The following LRRC9 variants were observed in gnomAD, a reference collection of about 807,000 sequenced individuals.
The protein encoded by LRRC9 is leucine-rich repeat-containing protein 9.
A neutral mutation model predicts 63.2 loss-of-function variants in LRRC9; 122 were observed. That is an observed-to-expected ratio of 1.93 (90% confidence interval 1.67 to 2.24). The LOEUF (loss-of-function observed/expected upper bound fraction) is 2.24. Ranked by LOEUF, LRRC9 falls within the 30% of genes most tolerant of loss-of-function variation. LRRC9 has a pLI of 0.00. For synonymous variants in LRRC9, 366 were observed against 213.1 expected (o/e 1.72, Z -6.25); for missense variants, 1,071 against 627.7 (o/e 1.71, Z -7.55).
Position 59,932,719 on chromosome 14 carries a change from C to T in LRRC9, c.543+680C>T, listed in dbSNP as rs991426785. Among the ~76,000 whole-genome samples the T allele has an allele frequency of 6.6e-6, 1 of 152,106 alleles. No individual in the cohort carries two copies. Among genetic ancestry groups the T allele is most frequent in the Non-Finnish European group, 1.5e-5 (1 of 67,988 alleles). On this transcript the variant is annotated intron_variant, in intron 6 of 31. Transcript: ENST00000445360. This position sits in a 1 kb window ranked among gnomAD's most constrained non-coding sequence, Gnocchi z 4.7. ...TCACTTCTTACCATCTGCATCACTACCAAGCTGATTCAAGACACTATCATC... is the reference window on the plus strand; with the variant it reads ...TCACTTCTTACCATCTGCATCACTATCAAGCTGATTCAAGACACTATCATC...
rs1332705720 is a variant in LRRC9 at position 59,938,381 on chromosome 14, G to T, written c.544-9G>T. The stretch of plus-strand genomic sequence containing the variant: ...AATTAACTGAACATTATCTTTGCTG[G>T]CATTTTAGGAACTCACGAACTTAAC... On this transcript the variant is annotated splice_polypyrimidine_tract_variant and intron_variant, in intron 6 of 31. Transcript: ENST00000445360. This position sits in a 1 kb window ranked among gnomAD's most constrained non-coding sequence, Gnocchi z 4.2. 3.0e-6 allele frequency: 2 copies of T among 671,868 alleles called. No homozygotes were observed. The highest frequency in any genetic ancestry group is 5.4e-6 in the Non-Finnish European group (2 of 371,290). The allele number at this position is 671,868 out of a possible 1,614,324, so 41.6% of individuals were successfully genotyped here.
At position 59,938,619 on chromosome 14, in the gene LRRC9, T is replaced by A; in HGVS notation, c.726+47T>A. On this transcript the variant is annotated intron_variant, in intron 7 of 31. Transcript: ENST00000445360. The surrounding 1 kb of genome is among the most constrained non-coding windows in gnomAD (Gnocchi z 4.2). ...CATCTGTGATTTCAGTTTTATTAGT[T>A]AACGGCTTCTTTCTGGCCATGTCCA... is the stretch of plus-strand genomic sequence containing the variant. 1.6e-6 allele frequency: 1 copy of A among 628,344 alleles called. No individual in the cohort carries two copies. The highest frequency in any genetic ancestry group is 2.5e-5 in the Admixed American group (1 of 40,026). 38.9% of individuals were successfully genotyped at this position (628,344 alleles called of 1,614,324 possible).
intron 23 of LRRC9, among the ~76,000 whole-genome samples, chr14:60,009,940 G>A (rs186982157): frequency 4.6e-5 from 7 of 152,312 alleles, no homozygotes; most frequent in Admixed American, 3.3e-4. Context: ...TAATGCAAGA[G>A]GCGGGCTCCC....
At chr14:60,009,514 C>T (rs974518384) in intron 23 of LRRC9, among the ~76,000 whole-genome samples, 3 of 152,176 alleles carry the variant, frequency 2.0e-5, no homozygotes, top group Admixed American at 6.5e-5. Flanking sequence ...CCTCCCATGA[C>T]GTGGGGATTA....
chr14:60,024,406 G>A (rs1160185755), intron 27 of LRRC9, among the ~76,000 whole-genome samples: 1 of 151,894 alleles, frequency 6.6e-6, no homozygotes, highest in Non-Finnish European at 1.5e-5. Flanking sequence ...TTTTAGAGAA[G>A]TAGCGTGAGA....
chr14:60,051,952 A>T lies in LRRC9; in HGVS notation c.3991-1113A>T, dbSNP rs1893925098. Among the ~76,000 whole-genome samples, 1 of 152,164 alleles carries T rather than the reference A, an allele frequency of 6.6e-6. No homozygotes were observed. The highest frequency in any genetic ancestry group is 6.5e-5 in the Admixed American group (1 of 15,280). On this transcript the variant is annotated intron_variant, in intron 29 of 31. Transcript: ENST00000445360. This position sits in a 1 kb window ranked among gnomAD's most constrained non-coding sequence, Gnocchi z 4.7. ...GTTCATTTGGCTCTGTGCCACTCCC[A>T]TGTGGGCTGTCACCCCACCCTGCTT...
chr14:60,046,399 T>G (rs770246840), intron 29 of LRRC9, among the ~76,000 whole-genome samples: 2 of 152,256 alleles, frequency 1.3e-5, no homozygotes, highest in Non-Finnish European at 2.9e-5. Flanking sequence ...GTTTTTATAG[T>G]TTTGGATTTT....
At chr14:59,952,481 C>T (rs1883270642) in intron 8 of LRRC9, among the ~76,000 whole-genome samples, 3 of 152,202 alleles carry the variant, frequency 2.0e-5, no homozygotes, top group South Asian at 4.1e-4. Flanking sequence ...ACGCTGGGAG[C>T]TGTAGACCAG....
At position 60,042,634 on chromosome 14, in the gene LRRC9, C is replaced by T. The variant is rs1046491234; in HGVS notation, c.3991-10431C>T. Among the ~76,000 whole-genome samples the T allele has an allele frequency of 1.3e-5, 2 of 152,160 alleles. No homozygotes were observed. Among genetic ancestry groups the T allele is most frequent in the Admixed American group, 6.5e-5 (1 of 15,284 alleles). On this transcript the variant is annotated intron_variant, in intron 29 of 31. Transcript: ENST00000445360. This position sits in a 1 kb window ranked among gnomAD's most constrained non-coding sequence, Gnocchi z 4.2. ...TTAGGCTGAGAGTGTCCCGATTTTC[C>T]AGGTACTGCCTGTCATGGCTTCCCT...
Position 59,987,537 on chromosome 14 carries a change from C to T in LRRC9, c.2211+2313C>T, listed in dbSNP as rs940568760. 2.0e-5 allele frequency among the ~76,000 whole-genome samples: 3 copies of T among 150,958 alleles called. No individual in the cohort carries two copies. In the East Asian group the frequency reaches 5.8e-4, roughly 29 times the overall value. ...TATCTCTAGAAATACTTGAGCCATTCGACCCAAAGAGTTTCCAGCAGCCTG... is the reference window on the plus strand; with the variant it reads ...TATCTCTAGAAATACTTGAGCCATTTGACCCAAAGAGTTTCCAGCAGCCTG... On this transcript the variant is annotated intron_variant, in intron 17 of 31. Transcript: ENST00000445360.
chr14:60,054,785 G>A (rs1002717214), intron 30 of LRRC9, among the ~76,000 whole-genome samples: 21 of 147,402 alleles, frequency 1.4e-4, no homozygotes, highest in Non-Finnish European at 2.5e-4. Context: ...TTTTTTAGAC[G>A]AAGTCTTGCT....
At chr14:59,949,246 A>T (rs911967516) in intron 8 of LRRC9, among the ~76,000 whole-genome samples, 2 of 152,070 alleles carry the variant, frequency 1.3e-5, no homozygotes, top group African/African-American at 4.8e-5. Flanking sequence ...GAGAGAGTGT[A>T]TGTGTCGAGG....
intron 29 of LRRC9, among the ~76,000 whole-genome samples, chr14:60,039,411 T>G (rs1363566802): frequency 1.3e-5 from 2 of 152,216 alleles, no homozygotes; most frequent in Non-Finnish European, 2.9e-5. Flanking sequence ...TTTTGGTTGG[T>G]AGGCTATTAA....
intron 29 of LRRC9, among the ~76,000 whole-genome samples, chr14:60,044,306 ATATT>A (rs1274338983): frequency 6.6e-6 from 1 of 151,630 alleles, no homozygotes; most frequent in African/African-American, 2.4e-5. Flanking sequence ...TTCTGCTCTG[ATATT>A]TATTATTTCT....
intron 8 of LRRC9, among the ~76,000 whole-genome samples, chr14:59,955,900 C>T (rs1362743068): frequency 6.6e-6 from 1 of 152,026 alleles, no homozygotes; most frequent in Non-Finnish European, 1.5e-5. Context: ...GTTATTTTCC[C>T]AGTATTATTC....
intron 27 of LRRC9, among the ~76,000 whole-genome samples, chr14:60,024,159 C>T (rs1007889177): frequency 4.6e-5 from 7 of 151,878 alleles, no homozygotes; most frequent in African/African-American, 1.5e-4. Flanking sequence ...GGGTATATAC[C>T]CAGTAATGGG....
intron 12 of LRRC9, among the ~76,000 whole-genome samples, chr14:59,971,020 T>A (rs1885429659): frequency 6.6e-6 from 1 of 152,200 alleles, no homozygotes; most frequent in South Asian, 2.1e-4. Flanking sequence ...AGAATGGTAT[T>A]GCCTATGTTG....
At position 60,015,466 on chromosome 14, in the gene LRRC9, G is replaced by T. The variant is rs368924335; in HGVS notation, c.3187-1194G>T. 3.9e-5 allele frequency among the ~76,000 whole-genome samples: 6 copies of T among 152,240 alleles called. No homozygotes were observed. In the East Asian group the frequency reaches 7.7e-4, roughly 20 times the overall value. On this transcript the variant is annotated intron_variant, in intron 23 of 31. Transcript: ENST00000445360. ...ACGAGGAACAACTTTGTTGCTGTCA[G>T]GTGGGAGATAGAAGTTCAAATTCCT...
chr14:60,001,034 T>C (rs960686524), intron 19 of LRRC9, among the ~76,000 whole-genome samples: 2 of 152,126 alleles, frequency 1.3e-5, no homozygotes, highest in Non-Finnish European at 2.9e-5. Context: ...CACAATGACC[T>C]ACCAATTTTT....
Sources: allele counts gnomAD v4.1 joint callset (sites outside exome capture counted in the v4.1 genomes callset), GRCh38; gene constraint gnomAD v4.1.1; non-coding constraint Gnocchi (gnomAD v3.1); transcripts MANE v1.5; gene names NCBI Gene and HGNC (gene_info 2026-07-23, HGNC 2026-07-21).